ADGRV1: variants seen among roughly 807,000 people sequenced by gnomAD.
ADGRV1 encodes the protein adhesion G protein-coupled receptor V1.
A neutral mutation model predicts 596.2 loss-of-function variants in ADGRV1; 359 were observed. That is an observed-to-expected ratio of 0.60 (90% CI 0.55 to 0.66). The LOEUF (loss-of-function observed/expected upper bound fraction) is 0.66, where lower values mean the gene tolerates loss of function less well. ADGRV1 is among the 30% of genes least tolerant of loss of function. ADGRV1 has a pLI of 0.00. For synonymous variants in ADGRV1, 2,681 were observed against 2,679.2 expected, an observed-to-expected ratio of 1.00 and a Z score of -0.02; for missense variants, 7,274 against 7,575.6, an observed-to-expected ratio of 0.96 and a Z score of 1.48.
At position 90,861,697 on chromosome 5, in the gene ADGRV1, A is replaced by G. The variant is rs182100440; in HGVS notation, c.17756-2060A>G. 5.9e-3 allele frequency among the ~76,000 whole-genome samples: 904 copies of G among 152,350 alleles called. 11 individuals are homozygous for G. The highest frequency in any genetic ancestry group is 0.021 in the African/African-American group (871 of 41,576). On this transcript the variant is annotated intron_variant, in intron 82 of 89. Transcript: ENST00000405460. Reference sequence around the variant, plus strand: ...ATATTTATATTAAGGAATTTCAACCAAAAAGTTTCTGCAATTAAAAAAAGA... The same window carrying G: ...ATATTTATATTAAGGAATTTCAACCGAAAAGTTTCTGCAATTAAAAAAAGA...
chr5:91,056,795 G>A (rs1233449969), intron 85 of ADGRV1, among the ~76,000 whole-genome samples: 1 of 152,030 alleles, frequency 6.6e-6, no homozygotes, highest in East Asian at 1.9e-4. Context: ...AGCCACTCCT[G>A]GGCCAAAATG....
intron 10 of ADGRV1, among the ~76,000 whole-genome samples, chr5:90,636,345 A>G (rs1178549713): frequency 1.3e-5 from 2 of 152,184 alleles, no homozygotes; most frequent in African/African-American, 4.8e-5. Flanking sequence ...TCAAAGCCTT[A>G]TGTTAAAATA....
At chr5:91,127,540 C>CAAAAAA (rs11406300) in intron 87 of ADGRV1, among the ~76,000 whole-genome samples, 1 of 125,598 alleles carries the variant, frequency 8.0e-6, no homozygotes. Flanking sequence ...CCAGTCTCAC[C>CAAAAAA]AAAAAAAAAA....
At chr5:91,114,310 T>C (rs1792652758) in intron 87 of ADGRV1, among the ~76,000 whole-genome samples, 1 of 152,134 alleles carries the variant, frequency 6.6e-6, no homozygotes, top group Non-Finnish European at 1.5e-5. Context: ...GTGGATCACC[T>C]GAGGTCAGGA....
intron 1 of ADGRV1, among the ~76,000 whole-genome samples, chr5:90,597,698 G>A (rs1260949974): frequency 6.6e-6 from 1 of 152,042 alleles, no homozygotes; most frequent in Non-Finnish European, 1.5e-5. Context: ...GAGTGCATTC[G>A]TGGGATGAGG....
chr5:90,899,141 T>C (rs563325868), intron 83 of ADGRV1: 40 of 152,330 alleles, frequency 2.6e-4, no homozygotes, highest in Admixed American at 2.2e-3. Flanking sequence ...ACTTAGCTTC[T>C]GTAAAACTTT....
At chr5:90,809,936 A>G (rs535615182) in intron 73 of ADGRV1, among the ~76,000 whole-genome samples, 153 of 152,328 alleles carry the variant, frequency 1.0e-3, no homozygotes, top group African/African-American at 3.6e-3. Flanking sequence ...AGAGAGCCTG[A>G]TTTTCACATC....
Position 90,853,136 on chromosome 5 carries a change from G to T in ADGRV1, c.17205-148G>T, listed in dbSNP as rs947481019. 1.2e-4 allele frequency: 82 copies of T among 680,572 alleles called. No individual in the cohort carries two copies. The African/African-American group carries it at 1.3e-3, about 11-fold the overall frequency. 42.2% of individuals were successfully genotyped at this position (680,572 alleles called of 1,614,324 possible). ...ACAATTATCCACAAAAGAACTGAAG[G>T]CACATTCTATTTACTGCTTCTGGGT... On this transcript the variant is annotated intron_variant, in intron 79 of 89. Coordinates refer to ENST00000405460, the MANE Select transcript of ADGRV1 (RefSeq NM_032119.4).
intron 83 of ADGRV1, among the ~76,000 whole-genome samples, chr5:90,935,186 G>C (rs1271041690): frequency 2.0e-5 from 3 of 152,154 alleles, no homozygotes; most frequent in South Asian, 4.1e-4. Context: ...TATTCACCTA[G>C]ACAAGAAATC....
chr5:91,054,102 T>TGTGTGAGAGAGAGAGAGA (rs1299621929), intron 85 of ADGRV1, among the ~76,000 whole-genome samples: 2 of 126,672 alleles, frequency 1.6e-5, no homozygotes, highest in African/African-American at 6.3e-5. Context: ...TGTGTGTGTG[T>TGTGTGAGAGAGAGAGAGA]GAGAGAGAGA....
In ADGRV1 at chr5:90,728,719, C is replaced by G; in HGVS notation, c.10212C>G (p.Val3404=). The change falls in exon 49 of 90, where the codon GTC becomes GTG. Residue 3404 remains valine, a synonymous_variant. Transcript: ENST00000405460. The stretch of plus-strand genomic sequence containing the variant: ...TCGTGTTGCATCAAAAACTCCCTGT[C>G]CGAGGTGTGCTGACCGTGGCCTTGT... ...GSFVLHQKLP[V]RGVLTVALFN... 1 of 1,613,636 alleles carries G rather than the reference C, an allele frequency of 6.2e-7. No homozygotes were observed. Among genetic ancestry groups the G allele is most frequent in the Non-Finnish European group, 8.5e-7 (1 of 1,179,656 alleles).
chr5:91,036,205 G>C (rs2151253979), intron 85 of ADGRV1, among the ~76,000 whole-genome samples: 1 of 151,964 alleles, frequency 6.6e-6, no homozygotes, highest in East Asian at 1.9e-4. Context: ...CTCATTTCAA[G>C]AGCTATGTTA....
rs1362723363 is a variant in ADGRV1, at chr5:90,927,740, A to AT, written c.17857-37671dup. ...TCTTCCTAGTCTTGATGGTCTTTAC[A>AT]TTTTGGCTTGATTTTGCAGTGGCTG... On this transcript the variant is annotated intron_variant, in intron 83 of 89. Transcript: ENST00000405460. 2.6e-5 allele frequency among the ~76,000 whole-genome samples: 4 copies of AT among 151,600 alleles called. No individual in the cohort carries two copies. In the East Asian group the frequency reaches 7.8e-4, roughly 30 times the overall value.
intron 83 of ADGRV1, among the ~76,000 whole-genome samples, chr5:90,870,916 A>G (rs1768604580): frequency 6.6e-6 from 1 of 152,192 alleles, no homozygotes; most frequent in Non-Finnish European, 1.5e-5. Flanking sequence ...GTTGTGATTA[A>G]TTTGAATTTT....
chr5:90,805,378 C>T lies in ADGRV1; in HGVS notation c.14756C>T (p.Ser4919Leu), dbSNP rs1302842400. Reference protein sequence around the residue: ...ISRRGTYGALSVAWTTGYAPG... With the variant: ...ISRRGTYGALLVAWTTGYAPG... Reference sequence around the variant, plus strand: ...AGGAGAGGCACATATGGAGCTCTCTCGGTTGCCTGGACCACTGGATATGCT... The same window carrying T: ...AGGAGAGGCACATATGGAGCTCTCTTGGTTGCCTGGACCACTGGATATGCT... Residue 4919 changes from serine (S) to leucine (L), a missense_variant, in exon 72 of 90, where the codon TCG (serine) becomes TTG (leucine). Transcript: ENST00000405460. The T allele has an allele frequency of 1.1e-5, 17 of 1,611,234 alleles. No individual in the cohort carries two copies. Among genetic ancestry groups the T allele is most frequent in the Admixed American group, 5.0e-5 (3 of 59,974 alleles).
chr5:91,069,962 G>A (rs768025982), intron 85 of ADGRV1, among the ~76,000 whole-genome samples: 2 of 150,240 alleles, frequency 1.3e-5, no homozygotes, highest in African/African-American at 4.9e-5. Context: ...TGTCCTTTGC[G>A]ACAGCATGGA....
At chr5:90,569,196 G>A (rs1421987565) in intron 1 of ADGRV1, among the ~76,000 whole-genome samples, 1 of 151,456 alleles carries the variant, frequency 6.6e-6, no homozygotes, top group East Asian at 1.9e-4. Flanking sequence ...CCATTCATGA[G>A]GGCAAAGCCT....
intron 21 of ADGRV1, among the ~76,000 whole-genome samples, chr5:90,664,191 A>G (rs1436942849): frequency 6.8e-6 from 1 of 147,842 alleles, no homozygotes; most frequent in Non-Finnish European, 1.5e-5. Flanking sequence ...TGAATCTGTA[A>G]ATTACCTTGG....
Position 90,644,075 on chromosome 5 carries a change from G to A in ADGRV1, c.2734+92G>A, listed in dbSNP as rs1030748540. ...TTTCTTTAGTAACTAGTTATTTCTA[G>A]TTGCTCACCCTGCCTTAGAAATTAC... On this transcript the variant is annotated intron_variant, in intron 14 of 89. Coordinates refer to ENST00000405460, the MANE Select transcript of ADGRV1 (RefSeq NM_032119.4). 1.1e-5 allele frequency: 10 copies of A among 922,304 alleles called. No homozygotes were observed. In the Admixed American group the frequency reaches 2.8e-4, roughly 26 times the overall value. The allele number at this position is 922,304 out of a possible 1,614,324, so 57.1% of individuals were successfully genotyped here.
Sources: allele counts gnomAD v4.1 joint callset (sites outside exome capture counted in the v4.1 genomes callset), GRCh38; gene constraint gnomAD v4.1.1; transcripts MANE v1.5; gene names NCBI Gene and HGNC (gene_info 2026-07-23, HGNC 2026-07-21).